Variants in ENTREP2 observed in about 807,000 individuals in gnomAD.
The protein encoded by ENTREP2 is protein ENTREP2.
At chr15:29,470,434 C>T in the ENTREP2 span, among the ~76,000 whole-genome samples, 1 of 152,222 alleles carries the variant, frequency 6.6e-6, no homozygotes, top group African/African-American at 2.4e-5. Context: ...AAACTTCATT[C>T]ACCTCACGCC....
the ENTREP2 span, among the ~76,000 whole-genome samples, chr15:29,439,330 CACAA>C: frequency 1.1e-3 from 121 of 107,628 alleles, 2 homozygotes; most frequent in East Asian, 8.2e-3. Context: ...CACACACACA[CACAA>C]ACAGTAGAGG....
the ENTREP2 span, among the ~76,000 whole-genome samples, chr15:29,623,850 C>T: frequency 6.6e-6 from 1 of 152,170 alleles, no homozygotes; most frequent in Non-Finnish European, 1.5e-5. Context: ...ATTCTCCTGC[C>T]TCAGCCTCCC....
chr15:29,614,969 G>A, the ENTREP2 span, among the ~76,000 whole-genome samples: 4,904 of 152,188 alleles, frequency 0.032, 114 homozygotes, highest in East Asian at 0.098. Context: ...ATTCTAGAAC[G>A]GTTTTGGAGA....
the ENTREP2 span, among the ~76,000 whole-genome samples, chr15:29,237,692 C>G: frequency 1.3e-5 from 2 of 152,172 alleles, no homozygotes; most frequent in East Asian, 3.9e-4. Context: ...AACTGGAACC[C>G]TCACGCGTTG....
chr15:29,607,798 G>GGATA, the ENTREP2 span, among the ~76,000 whole-genome samples: 3,427 of 149,922 alleles, frequency 0.023, 90 homozygotes, highest in Admixed American at 0.082. Flanking sequence ...TAGAATAGAG[G>GGATA]GATAGATAGA....
At chr15:29,221,861 A>C in the ENTREP2 span, among the ~76,000 whole-genome samples, 2 of 152,192 alleles carry the variant, frequency 1.3e-5, no homozygotes, top group Non-Finnish European at 1.5e-5. Context: ...TCGCAGCAGC[A>C]GTGCTTGGAA....
At chr15:29,221,725 G>A in the ENTREP2 span, among the ~76,000 whole-genome samples, 4 of 152,076 alleles carry the variant, frequency 2.6e-5, no homozygotes, top group South Asian at 2.1e-4. Context: ...TAATTAGCAC[G>A]GTCATCAAAG....
the ENTREP2 span, among the ~76,000 whole-genome samples, chr15:29,227,992 A>C: frequency 6.6e-6 from 1 of 150,438 alleles, no homozygotes; most frequent in Non-Finnish European, 1.5e-5. Context: ...GAAAAAAAAA[A>C]GAAACTTGAA....
the ENTREP2 span, among the ~76,000 whole-genome samples, chr15:29,502,136 T>C: frequency 5.7e-4 from 86 of 151,994 alleles, no homozygotes; most frequent in African/African-American, 2.0e-3. Context: ...CTACAATTCA[T>C]ATGGAAATTC....
the ENTREP2 span, among the ~76,000 whole-genome samples, chr15:29,521,820 C>T: frequency 6.6e-6 from 1 of 151,930 alleles, no homozygotes; most frequent in Non-Finnish European, 1.5e-5. Context: ...TTCCTCTGAT[C>T]CAGAGACATT....
chr15:29,156,970 G>T, the ENTREP2 span, among the ~76,000 whole-genome samples: 11 of 152,158 alleles, frequency 7.2e-5, no homozygotes, highest in African/African-American at 2.7e-4. Flanking sequence ...GGTGGCACAT[G>T]CCTGTAATCC....
the ENTREP2 span, among the ~76,000 whole-genome samples, chr15:29,561,459 A>G: frequency 1.3e-5 from 2 of 152,146 alleles, no homozygotes; most frequent in African/African-American, 2.4e-5. Context: ...AGGCTGAGGC[A>G]GGCCGATCAC....
the ENTREP2 span, among the ~76,000 whole-genome samples, chr15:29,232,110 C>T: frequency 5.9e-5 from 9 of 151,846 alleles, no homozygotes; most frequent in South Asian, 4.2e-4. Context: ...AGGCTGGTCT[C>T]GAACCCCTGA....
the ENTREP2 span, among the ~76,000 whole-genome samples, chr15:29,667,427 A>T: frequency 4.1e-5 from 6 of 146,118 alleles, no homozygotes; most frequent in Admixed American, 6.9e-5. Context: ...TGACCTCATG[A>T]TCTGCCCATC....
chr15:29,238,240 A>G, the ENTREP2 span, among the ~76,000 whole-genome samples: 12 of 152,324 alleles, frequency 7.9e-5, no homozygotes, highest in Admixed American at 4.6e-4. Context: ...TTGCTTTTTA[A>G]GGTGAAATTG....
At chr15:29,243,909 C>G in the ENTREP2 span, among the ~76,000 whole-genome samples, 1 of 152,176 alleles carries the variant, frequency 6.6e-6, no homozygotes, top group Non-Finnish European at 1.5e-5. Context: ...TAAACTGTTT[C>G]AGAGCATAAG....
the ENTREP2 span, among the ~76,000 whole-genome samples, chr15:29,334,004 C>A: frequency 6.6e-6 from 1 of 152,098 alleles, no homozygotes; most frequent in African/African-American, 2.4e-5. Context: ...AGGAGGGAGA[C>A]CTGGAACAGA....
chr15:29,596,436 G>T, the ENTREP2 span, among the ~76,000 whole-genome samples: 1 of 152,020 alleles, frequency 6.6e-6, no homozygotes, highest in African/African-American at 2.4e-5. Flanking sequence ...ATACGTGTAC[G>T]GTGGTTTCAG....
the ENTREP2 span, among the ~76,000 whole-genome samples, chr15:29,183,162 C>G: frequency 6.6e-6 from 1 of 152,160 alleles, no homozygotes; most frequent in Non-Finnish European, 1.5e-5. Flanking sequence ...CCCAAAACAA[C>G]TTTGAGTGAT....
Sources: allele counts gnomAD v4.1 joint callset (sites outside exome capture counted in the v4.1 genomes callset), GRCh38; gene constraint gnomAD v4.1.1; transcripts MANE v1.5; gene names NCBI Gene and HGNC (gene_info 2026-07-23, HGNC 2026-07-21).